Variants in UBE3C observed in about 807,000 individuals in gnomAD.
UBE3C encodes the protein ubiquitin protein ligase E3C.
In UBE3C, 42 loss-of-function variants were observed where a neutral mutation model predicts 129.4. That is an observed-to-expected ratio of 0.32 (90% confidence interval 0.25 to 0.42). The LOEUF is 0.42. Among genes scored for constraint, UBE3C ranks in the 10% least tolerant of loss-of-function variants. The probability of loss-of-function intolerance (pLI) is 1.00; values close to 1 mark genes in which losing one functional copy is unlikely to be tolerated. For synonymous variants in UBE3C, 510 were observed against 492.4 expected, an observed-to-expected ratio of 1.04 and a Z score of -0.47; for missense variants, 1,049 against 1,319.1, an observed-to-expected ratio of 0.80 and a Z score of 3.17.
intron 14 of UBE3C, among the ~76,000 whole-genome samples, chr7:157,219,630 G>A (rs968823939): frequency 6.6e-5 from 10 of 152,118 alleles, no homozygotes; most frequent in Admixed American, 3.3e-4. Context: ...GGCTGGGCAC[G>A]GAGGCTCACA....
At chr7:157,214,021 C>T (rs1054599618) in intron 13 of UBE3C, among the ~76,000 whole-genome samples, 1 of 152,022 alleles carries the variant, frequency 6.6e-6, no homozygotes, top group African/African-American at 2.4e-5. Flanking sequence ...ACCACAGTGC[C>T]GTCTATCTTG....
chr7:157,169,134 T>C lies in UBE3C; in HGVS notation c.195+12T>C, dbSNP rs368848926. The C allele has an allele frequency of 4.2e-4, 675 of 1,609,616 alleles. No homozygotes were observed. The highest frequency in any genetic ancestry group is 1.2e-3 in the South Asian group (108 of 90,936). On this transcript the variant is annotated intron_variant, in intron 3 of 22. Transcript: ENST00000348165. ...ACAGAAAACAGCAAGTAAGTTTGTT[T>C]TAAAATGAGGAGATTAGTAGGGCAT...
chr7:157,188,502 C>T (rs1030580357), intron 10 of UBE3C, among the ~76,000 whole-genome samples: 3 of 152,204 alleles, frequency 2.0e-5, no homozygotes, highest in Non-Finnish European at 2.9e-5. Context: ...ATCTGAGGAT[C>T]GCAGCAGCTG....
chr7:157,212,644 A>C (rs944571276), intron 13 of UBE3C, among the ~76,000 whole-genome samples: 2 of 152,340 alleles, frequency 1.3e-5, no homozygotes, highest in South Asian at 4.1e-4. Context: ...GCAGTTATCT[A>C]CTTGATCTTT....
intron 21 of UBE3C, among the ~76,000 whole-genome samples, chr7:157,256,418 C>T (rs1273828393): frequency 6.6e-6 from 1 of 151,484 alleles, no homozygotes; most frequent in African/African-American, 2.4e-5. Flanking sequence ...GCTGGGATTA[C>T]AGGTGTGAGC....
Position 157,225,989 on chromosome 7 carries a change from A to G in UBE3C, c.2233+450A>G, listed in dbSNP as rs578160431. On this transcript the variant is annotated intron_variant, in intron 17 of 22. Transcript: ENST00000348165. The stretch of plus-strand genomic sequence containing the variant: ...GCAAGTCAGATTTGGGAGACATGTT[A>G]TCAAGTAATATTTCTAAAATTGACA... 8.6e-4 allele frequency among the ~76,000 whole-genome samples: 131 copies of G among 152,276 alleles called. 1 individual carries two copies. The highest frequency in any genetic ancestry group is 3.1e-3 in the African/African-American group (129 of 41,564).
rs536588846 is a variant in UBE3C at position 157,259,697 on chromosome 7, C to T, written c.3081+2653C>T. Among the ~76,000 whole-genome samples, 38 of 152,276 alleles carry T rather than the reference C, an allele frequency of 2.5e-4. 1 individual carries two copies. In the South Asian group the frequency reaches 5.6e-3, roughly 22 times the overall value. ...GAAAGGCACATTTAGAGACACAGAG[C>T]GGGTCAGGGGCTGCACAGGGCTGGA... On this transcript the variant is annotated intron_variant, in intron 22 of 22. Transcript: ENST00000348165.
At chr7:157,186,335 C>T (rs909996452) in intron 9 of UBE3C, among the ~76,000 whole-genome samples, 1 of 151,636 alleles carries the variant, frequency 6.6e-6, no homozygotes, top group Admixed American at 6.6e-5. Flanking sequence ...GGGAGAATTG[C>T]TTGAACCTGG....
At chr7:157,256,292 G>A (rs1041745537) in intron 21 of UBE3C, among the ~76,000 whole-genome samples, 1 of 152,040 alleles carries the variant, frequency 6.6e-6, no homozygotes. Context: ...ATGGGTGCGC[G>A]CCACAACATC....
At chr7:157,233,934 C>T (rs1180243916) in intron 18 of UBE3C, among the ~76,000 whole-genome samples, 1 of 152,218 alleles carries the variant, frequency 6.6e-6, no homozygotes, top group African/African-American at 2.4e-5. Context: ...TTTAATTTCC[C>T]TGGTGACTAA....
chr7:157,233,346 A>G (rs143917323), intron 18 of UBE3C, among the ~76,000 whole-genome samples: 2 of 152,276 alleles, frequency 1.3e-5, no homozygotes, highest in Non-Finnish European at 2.9e-5. Flanking sequence ...GCTGGAGTGC[A>G]CTGCTACAAA....
chr7:157,241,691 TA>T (rs1796330417), intron 18 of UBE3C, among the ~76,000 whole-genome samples: 1 of 152,210 alleles, frequency 6.6e-6, no homozygotes, highest in African/African-American at 2.4e-5. Flanking sequence ...CAAACATATT[TA>T]CCCAAAAACT....
chr7:157,192,733 A>ATGAATGTGG (rs141627680), intron 10 of UBE3C: 40,943 of 928,468 alleles, frequency 0.044, 5,809 homozygotes, highest in African/African-American at 0.41. Context: ...TGCCCTTCTG[A>ATGAATGTGG]TGAATGTGGT....
chr7:157,208,848 C>T (rs1809512061), intron 13 of UBE3C, among the ~76,000 whole-genome samples: 1 of 152,188 alleles, frequency 6.6e-6, no homozygotes, highest in Non-Finnish European at 1.5e-5. Flanking sequence ...CTGCAGCAAA[C>T]ACATCTAGTC....
intron 18 of UBE3C, among the ~76,000 whole-genome samples, chr7:157,238,786 T>C (rs1018318971): frequency 2.6e-5 from 4 of 152,090 alleles, no homozygotes; most frequent in Non-Finnish European, 4.4e-5. Flanking sequence ...GCCCCAGGGC[T>C]CTCCAAGGTT....
At position 157,186,820 on chromosome 7, in the gene UBE3C, C is replaced by A; in HGVS notation, c.1144-14C>A. On this transcript the variant is annotated splice_polypyrimidine_tract_variant and intron_variant, in intron 9 of 22. Transcript: ENST00000348165. ...AGCACATTTATGGAGACTGGTTGTT[C>A]TGGTATGTTCTAGGAGGATGGCAGA... 1 of 1,612,684 alleles carries A rather than the reference C, an allele frequency of 6.2e-7. No individual in the cohort carries two copies.
At chr7:157,223,076 C>T in intron 15 of UBE3C, 178 bp from the exon 16 acceptor site, 2 of 589,956 alleles carry the variant, frequency 3.4e-6, no homozygotes, top group East Asian at 6.0e-5. Context: ...AGCTACTGTG[C>T]TGATCCTGCA....
At chr7:157,170,207 C>T (rs1808329308) in intron 3 of UBE3C, 97 bp from the exon 4 acceptor site, 1 of 1,149,540 alleles carries the variant, frequency 8.7e-7, no homozygotes, top group Non-Finnish European at 1.1e-6. Flanking sequence ...TGTCAATTTC[C>T]ACCATTCCTG....
chr7:157,254,191 C>G, intron 20 of UBE3C, 49 bp downstream of exon 20: 1 of 1,607,980 alleles, frequency 6.2e-7, no homozygotes, highest in Non-Finnish European at 8.5e-7. Flanking sequence ...AGGAAATGAA[C>G]AGGCTTTCTT....
Sources: gnomAD v4.1 joint callset for allele counts (sites outside exome capture counted in the v4.1 genomes callset) on GRCh38, gnomAD v4.1.1 for gene constraint, MANE v1.5 for transcripts, NCBI Gene and HGNC (gene_info 2026-07-23, HGNC 2026-07-21) for gene names.